Variants in SEMA6D observed in about 807,000 individuals in gnomAD.
SEMA6D encodes the protein semaphorin-6D.
In SEMA6D, 35 loss-of-function variants were observed where a neutral mutation model predicts 106.6. That is an observed-to-expected ratio of 0.33 (90% confidence interval 0.25 to 0.44). The LOEUF (loss-of-function observed/expected upper bound fraction) is 0.44. Among genes scored for constraint, SEMA6D ranks in the 20% least tolerant of loss-of-function variants. The probability of loss-of-function intolerance (pLI) is 1.00; values close to 1 mark genes in which losing one functional copy is unlikely to be tolerated. For synonymous variants in SEMA6D, 499 were observed against 487.7 expected, an observed-to-expected ratio of 1.02 and a Z score of -0.31; for missense variants, 1,185 against 1,345.9, an observed-to-expected ratio of 0.88 and a Z score of 1.87.
At chr15:47,215,321 C>G (rs1014221037) in intron 1 of SEMA6D, among the ~76,000 whole-genome samples, 1 of 151,800 alleles carries the variant, frequency 6.6e-6, no homozygotes, top group Non-Finnish European at 1.5e-5. Context: ...CCTTGAACAT[C>G]AAGGATGCTT....
intron 3 of SEMA6D, among the ~76,000 whole-genome samples, chr15:47,486,423 T>C (rs564484082): frequency 1.5e-3 from 223 of 152,336 alleles, no homozygotes; most frequent in Non-Finnish European, 2.6e-3. Flanking sequence ...TTATCTCCTA[T>C]TGAGGAAGAT....
intron 1 of SEMA6D, among the ~76,000 whole-genome samples, chr15:47,227,569 T>TCTCACACA (rs142672147): frequency 0.01 from 1,290 of 127,932 alleles, 9 homozygotes; most frequent in African/African-American, 0.011. Flanking sequence ...TCTCTCTCTC[T>TCTCACACA]CACACACACA....
intron 1 of SEMA6D, among the ~76,000 whole-genome samples, chr15:47,269,801 G>T (rs1440080735): frequency 1.3e-5 from 2 of 152,022 alleles, no homozygotes; most frequent in Admixed American, 1.3e-4. Flanking sequence ...CAGCAGATTA[G>T]ATAAATCCTT....
intron 3 of SEMA6D, among the ~76,000 whole-genome samples, chr15:47,475,530 A>G (rs1286460101): frequency 2.0e-5 from 3 of 152,164 alleles, no homozygotes; most frequent in East Asian, 3.9e-4. Context: ...AAGCCCCCAT[A>G]CACTCAATCC....
rs1232583229 is a variant in SEMA6D, at chr15:47,469,122, AGT to A, written c.-158-1351_-158-1350del. On this transcript the variant is annotated intron_variant, in intron 2 of 19. Transcript: ENST00000558014. The stretch of plus-strand genomic sequence containing the variant: ...TGGGAGCTGTCTGCCCAGAGGAAGG[AGT>A]ATTTTATCACTGACATGATTGAGAA... Among the ~76,000 whole-genome samples, 5 of 152,346 alleles carry A rather than the reference AGT, an allele frequency of 3.3e-5. No homozygotes were observed. The South Asian group carries it at 1.0e-3, about 32-fold the overall frequency.
At chr15:47,719,136 A>C (rs187482298) in intron 1 of SEMA6D, among the ~76,000 whole-genome samples, 3 of 149,330 alleles carry the variant, frequency 2.0e-5, no homozygotes, top group Non-Finnish European at 4.5e-5. Context: ...TAAAAGGCGA[A>C]ATGTCAGGGA....
chr15:47,666,161 A>C (rs2078022756), intron 4 of SEMA6D, among the ~76,000 whole-genome samples: 1 of 152,244 alleles, frequency 6.6e-6, no homozygotes, highest in Non-Finnish European at 1.5e-5. Flanking sequence ...CTCAACCTAC[A>C]AAAATGTTTT....
At chr15:47,340,298 A>G (rs2037759917) in intron 1 of SEMA6D, among the ~76,000 whole-genome samples, 1 of 152,146 alleles carries the variant, frequency 6.6e-6, no homozygotes, top group South Asian at 2.1e-4. Context: ...ATTCTTCAGA[A>G]CAAGCATTGC....
chr15:47,591,428 G>A (rs2076437442), intron 3 of SEMA6D, among the ~76,000 whole-genome samples: 1 of 152,150 alleles, frequency 6.6e-6, no homozygotes, highest in Non-Finnish European at 1.5e-5. Context: ...GCTTCATCTA[G>A]GATGATAAGA....
chr15:47,194,087 G>A (rs1230078969), intron 1 of SEMA6D, among the ~76,000 whole-genome samples: 9 of 151,344 alleles, frequency 5.9e-5, no homozygotes, highest in African/African-American at 1.9e-4. Context: ...GGGTGGATGG[G>A]TGGATGGGTG....
chr15:47,738,662 C>T (rs1272266097), intron 1 of SEMA6D, among the ~76,000 whole-genome samples: 1 of 152,156 alleles, frequency 6.6e-6, no homozygotes, highest in Admixed American at 6.5e-5. Flanking sequence ...GCAGAGGAAG[C>T]AGGATTTCAG....
chr15:47,691,931 G>A (rs1022949946), intron 4 of SEMA6D, among the ~76,000 whole-genome samples: 6 of 151,948 alleles, frequency 3.9e-5, no homozygotes, highest in African/African-American at 7.2e-5. Flanking sequence ...AGATGGAGCC[G>A]TAGAAGAAAA....
intron 3 of SEMA6D, among the ~76,000 whole-genome samples, chr15:47,539,205 A>G (rs1399340257): frequency 1.3e-5 from 2 of 152,198 alleles, no homozygotes; most frequent in African/African-American, 2.4e-5. Flanking sequence ...TGTGCTTGTC[A>G]TCACCTGGTA....
intron 1 of SEMA6D, among the ~76,000 whole-genome samples, chr15:47,225,519 GTTTTT>G (rs71118160): frequency 2.7e-4 from 25 of 92,396 alleles, no homozygotes; most frequent in African/African-American, 1.3e-3. Context: ...CTTGTTGAGG[GTTTTT>G]TTTTTTTTTT....
At chr15:47,349,508 T>C (rs578244963) in intron 1 of SEMA6D, among the ~76,000 whole-genome samples, 10 of 152,296 alleles carry the variant, frequency 6.6e-5, no homozygotes, top group African/African-American at 2.4e-4. Context: ...TACCCAGTGG[T>C]TCCCAGTAGT....
At chr15:47,345,871 C>T (rs1323032110) in intron 1 of SEMA6D, among the ~76,000 whole-genome samples, 1 of 152,046 alleles carries the variant, frequency 6.6e-6, no homozygotes, top group Admixed American at 6.5e-5. Context: ...TGGGAGTGAT[C>T]AATATGTATG....
intron 4 of SEMA6D, among the ~76,000 whole-genome samples, chr15:47,640,475 C>G (rs1158760462): frequency 1.3e-5 from 2 of 152,130 alleles, no homozygotes; most frequent in Non-Finnish European, 2.9e-5. Context: ...TGAGCTTGAA[C>G]GGAGCTCAAA....
intron 1 of SEMA6D, among the ~76,000 whole-genome samples, chr15:47,358,916 G>C (rs1263656326): frequency 6.6e-6 from 1 of 152,184 alleles, no homozygotes; most frequent in African/African-American, 2.4e-5. Context: ...TCCCCACTTT[G>C]CTGTGAACTG....
At chr15:47,651,362 C>G (rs1256503694) in intron 4 of SEMA6D, among the ~76,000 whole-genome samples, 1 of 152,092 alleles carries the variant, frequency 6.6e-6, no homozygotes, top group Non-Finnish European at 1.5e-5. Flanking sequence ...TATGATCATA[C>G]TGCTGCACCC....
Sources: allele counts gnomAD v4.1 joint callset (sites outside exome capture counted in the v4.1 genomes callset), GRCh38; gene constraint gnomAD v4.1.1; transcripts MANE v1.5; gene names NCBI Gene and HGNC (gene_info 2026-07-23, HGNC 2026-07-21).